The following CGNL1 variants were observed in gnomAD, a reference collection of about 807,000 sequenced individuals.
The protein encoded by CGNL1 is cingulin-like protein 1.
A neutral mutation model predicts 141.2 loss-of-function variants in CGNL1; 132 were observed. That is an observed-to-expected ratio of 0.93 (90% CI 0.81 to 1.08). CGNL1 has a LOEUF of 1.08. CGNL1 is among the 50% of genes least tolerant of loss of function. CGNL1 has a pLI of 0.00. For missense variants in CGNL1, 1,870 were observed against 1,588.6 expected, an observed-to-expected ratio of 1.18 and a Z score of -3.01; for synonymous variants, 690 against 622.1, an observed-to-expected ratio of 1.11 and a Z score of -1.63.
intron 1 of CGNL1, among the ~76,000 whole-genome samples, chr15:57,423,716 C>A (rs1314044544): frequency 1.3e-5 from 2 of 152,218 alleles, no homozygotes; most frequent in African/African-American, 4.8e-5. Context: ...GATTTCCTCG[C>A]ATCCCCCTGG....
chr15:57,516,690 G>T, intron 8 of CGNL1, 90 bp from the exon 9 acceptor site: 1 of 1,370,330 alleles, frequency 7.3e-7, no homozygotes, highest in Non-Finnish European at 1.0e-6. Flanking sequence ...TGGGCACAAT[G>T]GGTTTTTCAT....
At chr15:57,513,959 A>G (rs1316378669) in intron 8 of CGNL1, among the ~76,000 whole-genome samples, 1 of 152,220 alleles carries the variant, frequency 6.6e-6, no homozygotes, top group Non-Finnish European at 1.5e-5. Flanking sequence ...CCAGCAATGT[A>G]TAAGTGGTCT....
intron 8 of CGNL1, among the ~76,000 whole-genome samples, chr15:57,463,078 C>T (rs1237277414): frequency 6.6e-6 from 1 of 152,114 alleles, no homozygotes; most frequent in Non-Finnish European, 1.5e-5. Context: ...CCTTTGGACC[C>T]ATATCTTTAT....
intron 1 of CGNL1, among the ~76,000 whole-genome samples, chr15:57,381,487 G>GCC: frequency 6.6e-6 from 1 of 152,256 alleles, no homozygotes; most frequent in East Asian, 1.9e-4. Flanking sequence ...CTTGAGCCTA[G>GCC]GAGGTTGAGG....
intron 1 of CGNL1, among the ~76,000 whole-genome samples, chr15:57,425,355 C>T (rs12899790): frequency 2.6e-5 from 4 of 152,154 alleles, no homozygotes; most frequent in East Asian, 1.9e-4. Context: ...TGGAGCAATA[C>T]CCTGTCTCAA....
intron 8 of CGNL1, among the ~76,000 whole-genome samples, chr15:57,505,767 C>T (rs114482025): frequency 0.017 from 2,643 of 152,200 alleles, 78 homozygotes; most frequent in African/African-American, 0.06. Context: ...GCTTTCTATA[C>T]GGAAATTTGG....
intron 10 of CGNL1, among the ~76,000 whole-genome samples, chr15:57,520,916 A>G (rs1321792374): frequency 6.6e-6 from 1 of 152,168 alleles, no homozygotes; most frequent in East Asian, 1.9e-4. Flanking sequence ...AATATGAGCC[A>G]ATTGGGACCT....
At chr15:57,455,523 C>T (rs956877238) in intron 7 of CGNL1, among the ~76,000 whole-genome samples, 1 of 152,206 alleles carries the variant, frequency 6.6e-6, no homozygotes, top group Admixed American at 6.5e-5. Context: ...TTTTAACTCA[C>T]TTGACGTTGC....
chr15:57,464,359 C>T (rs1282628552), intron 8 of CGNL1, among the ~76,000 whole-genome samples: 1 of 152,062 alleles, frequency 6.6e-6, no homozygotes, highest in East Asian at 1.9e-4. Context: ...AACTTTTAAG[C>T]ATATCTTCAA....
intron 1 of CGNL1, among the ~76,000 whole-genome samples, chr15:57,434,037 G>T (rs533258704): frequency 1.4e-5 from 2 of 141,576 alleles, no homozygotes; most frequent in African/African-American, 5.2e-5. Flanking sequence ...GGCAGTCAGG[G>T]TTCATCAGGT....
intron 18 of CGNL1, among the ~76,000 whole-genome samples, chr15:57,546,613 T>C (rs966937967): frequency 5.3e-5 from 8 of 152,130 alleles, no homozygotes; most frequent in African/African-American, 1.9e-4. Context: ...AGTTCTGGTT[T>C]GTATCCTCAA....
rs2064128578 is a variant in CGNL1 at position 57,508,100 on chromosome 15, G to T, written c.2404-8680G>T. On this transcript the variant is annotated intron_variant, in intron 8 of 18. Transcript: ENST00000281282. Reference sequence around the variant, plus strand: ...TTCCTTGGAAATATTTGGTACCTGGGTGATGAATACCCTCTACTTCTTTGC... The same window carrying T: ...TTCCTTGGAAATATTTGGTACCTGGTTGATGAATACCCTCTACTTCTTTGC... 3.3e-5 allele frequency among the ~76,000 whole-genome samples: 5 copies of T among 152,154 alleles called. No homozygotes were observed. The South Asian group carries it at 1.0e-3, about 32-fold the overall frequency.
intron 1 of CGNL1, among the ~76,000 whole-genome samples, chr15:57,377,598 A>T (rs1442443351): frequency 6.6e-6 from 1 of 152,182 alleles, no homozygotes; most frequent in Non-Finnish European, 1.5e-5. Flanking sequence ...CCACCTGAAG[A>T]ACCTGTTGAT....
chr15:57,408,766 T>A lies in CGNL1; in HGVS notation c.-15-29219T>A, dbSNP rs562027779. 5.9e-5 allele frequency among the ~76,000 whole-genome samples: 9 copies of A among 152,196 alleles called. No individual in the cohort carries two copies. In the South Asian group the frequency reaches 1.9e-3, roughly 32 times the overall value. The stretch of plus-strand genomic sequence containing the variant: ...GAAATTGCCTTTAGGCCAGACACAG[T>A]GGCTCATGCCTGTAATCCCAGCACT... On this transcript the variant is annotated intron_variant, in intron 1 of 18. Coordinates refer to ENST00000281282, the MANE Select transcript of CGNL1 (RefSeq NM_032866.5).
chr15:57,379,399 G>C (rs1016101898), intron 1 of CGNL1, among the ~76,000 whole-genome samples: 1 of 152,286 alleles, frequency 6.6e-6, no homozygotes, highest in South Asian at 2.1e-4. Flanking sequence ...TTTTCATTTA[G>C]GGAAAGGGGA....
At chr15:57,532,503 A>G (rs573761989) in intron 14 of CGNL1, among the ~76,000 whole-genome samples, 346 of 152,360 alleles carry the variant, frequency 2.3e-3, no homozygotes, top group Middle Eastern at 3.4e-3. Flanking sequence ...ATAATACTGC[A>G]TGTATTATCT....
chr15:57,401,476 G>T (rs993357852), intron 1 of CGNL1, among the ~76,000 whole-genome samples: 2 of 152,170 alleles, frequency 1.3e-5, no homozygotes, highest in Non-Finnish European at 2.9e-5. Context: ...TTCTGCTGGT[G>T]CCCGAGTTCT....
At chr15:57,539,975 C>G (rs1313196416) in intron 14 of CGNL1, among the ~76,000 whole-genome samples, 5 of 152,196 alleles carry the variant, frequency 3.3e-5, no homozygotes, top group African/African-American at 1.2e-4. Flanking sequence ...ATCCGCAGGA[C>G]TTGCTTTCCT....
At position 57,438,820 on chromosome 15, in the gene CGNL1, A is replaced by T. The variant is rs2063143232; in HGVS notation, c.821A>T (p.Asp274Val). ...AHPETKKTRP[D>V]VLPFRRQDSA... is the part of the protein sequence containing the mutation. ...CCTGAAACCAAGAAAACCAGGCCAG[A>T]TGTTCTTCCCTTCCGGCGACAGGAT... Residue 274 changes from aspartate to valine, a missense_variant, in exon 2 of 19, where the codon GAT becomes GTT. Physicochemically the swap from Asp to Val is radical, Grantham distance 152. Coordinates refer to ENST00000281282, the MANE Select transcript of CGNL1 (RefSeq NM_032866.5). 6.2e-7 allele frequency: 1 copy of T among 1,613,998 alleles called. No individual in the cohort carries two copies. The highest frequency in any genetic ancestry group is 1.7e-5 in the Admixed American group (1 of 59,998).
Sources: gnomAD v4.1 joint callset for allele counts (sites outside exome capture counted in the v4.1 genomes callset) on GRCh38, gnomAD v4.1.1 for gene constraint, MANE v1.5 for transcripts, NCBI Gene and HGNC (gene_info 2026-07-23, HGNC 2026-07-21) for gene names.